Variants in PHLPP1 observed in about 807,000 individuals in gnomAD.
The protein encoded by PHLPP1 is PH domain leucine-rich repeat-containing protein phosphatase 1.
A neutral mutation model predicts 117.2 loss-of-function variants in PHLPP1; 42 were observed. That is an observed-to-expected ratio of 0.36 (90% CI 0.28 to 0.46). The LOEUF (loss-of-function observed/expected upper bound fraction) is 0.46, where lower values mean the gene tolerates loss of function less well. Among genes scored for constraint, PHLPP1 ranks in the 20% least tolerant of loss-of-function variants. The probability of loss-of-function intolerance (pLI) is 1.00; values close to 1 mark genes in which losing one functional copy is unlikely to be tolerated. For synonymous variants in PHLPP1, 1,042 were observed against 970.7 expected (o/e 1.07, Z -1.37); for missense variants, 2,084 against 2,241.9 (o/e 0.93, Z 1.42).
chr18:62,836,463 AT>A (rs1914902555), intron 2 of PHLPP1, among the ~76,000 whole-genome samples: 1 of 147,954 alleles, frequency 6.8e-6, no homozygotes, highest in Non-Finnish European at 1.5e-5. Context: ...AAATAAATAA[AT>A]AAATAAATAA....
intron 1 of PHLPP1, among the ~76,000 whole-genome samples, chr18:62,824,728 C>G (rs1914562273): frequency 6.6e-6 from 1 of 152,048 alleles, no homozygotes; most frequent in Non-Finnish European, 1.5e-5. Context: ...TAGAAAAATA[C>G]TTCACAAAAC....
rs1912202682 is a variant in PHLPP1 at position 62,760,906 on chromosome 18, CG to C, written c.1576+43650del. Among the ~76,000 whole-genome samples, 13 of 152,204 alleles carry C rather than the reference CG, an allele frequency of 8.5e-5. No homozygotes were observed. In the South Asian group the frequency reaches 2.7e-3, roughly 32 times the overall value. The stretch of plus-strand genomic sequence containing the variant: ...TTTGTTTTAGACAGGGCTGCCTAGG[CG>C]GGAGTGCAGTGGCACAGTCATGGCT... On this transcript the variant is annotated intron_variant, in intron 1 of 16. Coordinates refer to ENST00000262719, the MANE Select transcript of PHLPP1 (RefSeq NM_194449.4).
chr18:62,743,635 T>A (rs975232796), intron 1 of PHLPP1, among the ~76,000 whole-genome samples: 1 of 152,212 alleles, frequency 6.6e-6, no homozygotes, highest in Non-Finnish European at 1.5e-5. Flanking sequence ...TGATCAAATT[T>A]CCATTAATCT....
chr18:62,860,420 T>G lies in PHLPP1; in HGVS notation c.1900-15T>G. 1 of 1,611,842 alleles carries G rather than the reference T, an allele frequency of 6.2e-7. No homozygotes were observed. The highest frequency in any genetic ancestry group is 2.2e-5 in the East Asian group (1 of 44,856). On this transcript the variant is annotated splice_polypyrimidine_tract_variant and intron_variant, in intron 3 of 16. Transcript: ENST00000262719. ...TAAGTGGATGGTATTAAAATTAAGT[T>G]TTATCCCCCTTTAGGTTGCATCCCA...
chr18:62,888,713 G>T (rs544281310), intron 4 of PHLPP1, among the ~76,000 whole-genome samples: 135 of 152,174 alleles, frequency 8.9e-4, no homozygotes, highest in South Asian at 2.9e-3. Flanking sequence ...ATGAATGAAT[G>T]AATTAATAAA....
intron 1 of PHLPP1, among the ~76,000 whole-genome samples, chr18:62,821,277 A>G (rs1914446718): frequency 6.6e-6 from 1 of 152,328 alleles, no homozygotes; most frequent in South Asian, 2.1e-4. Context: ...AAAAGAAAAA[A>G]TATATGTTAG....
intron 1 of PHLPP1, among the ~76,000 whole-genome samples, chr18:62,790,544 G>A (rs1448150196): frequency 6.6e-6 from 1 of 152,122 alleles, no homozygotes; most frequent in Non-Finnish European, 1.5e-5. Flanking sequence ...ATAAAGCTCA[G>A]TAATCTAGAA....
chr18:62,731,320 C>T (rs186996827), intron 1 of PHLPP1: 2 of 152,240 alleles, frequency 1.3e-5, no homozygotes, highest in East Asian at 1.9e-4. Flanking sequence ...ATATATGCTG[C>T]CGAAGTGAGC....
At chr18:62,922,939 C>T (rs1202034964) in intron 10 of PHLPP1, among the ~76,000 whole-genome samples, 1 of 152,162 alleles carries the variant, frequency 6.6e-6, no homozygotes, top group Admixed American at 6.5e-5. Context: ...CTGTGCAGGT[C>T]ATTCTAAACC....
In PHLPP1 at chr18:62,916,747, C is replaced by CTT. The variant is rs10538704; in HGVS notation, c.2804+1762_2804+1763dup. Among the ~76,000 whole-genome samples, 447 of 71,070 alleles carry CTT rather than the reference C, an allele frequency of 6.3e-3. 18 individuals carry two copies. The highest frequency in any genetic ancestry group is 0.011 in the African/African-American group (187 of 16,786). The allele number at this position is 71,070 out of a possible 152,430, so 46.6% of individuals were successfully genotyped here. A position where few individuals can be genotyped will look rare whatever the true frequency, so the allele number is the denominator to read the frequency against. On this transcript the variant is annotated intron_variant, in intron 9 of 16. Coordinates refer to ENST00000262719, the MANE Select transcript of PHLPP1 (RefSeq NM_194449.4). ...TTCTTCTATTTTCTTTCCTTCTATTCTTTTTTTTTTTTTTTTTTTTTTTTG... is the reference window on the plus strand; with the variant it reads ...TTCTTCTATTTTCTTTCCTTCTATTCTTTTTTTTTTTTTTTTTTTTTTTTTTG...
intron 4 of PHLPP1, among the ~76,000 whole-genome samples, chr18:62,861,038 A>C (rs1450716349): frequency 6.6e-6 from 1 of 152,222 alleles, no homozygotes; most frequent in Non-Finnish European, 1.5e-5. Context: ...GTTTAAATCA[A>C]CTTACATCAT....
At chr18:62,873,028 C>G (rs1264463751) in intron 4 of PHLPP1, among the ~76,000 whole-genome samples, 6 of 150,006 alleles carry the variant, frequency 4.0e-5, no homozygotes, top group African/African-American at 1.5e-4. Flanking sequence ...GGTCAGAGCA[C>G]TCCTTTTTAC....
At chr18:62,829,808 A>C (rs183647202) in intron 1 of PHLPP1, among the ~76,000 whole-genome samples, 78 of 152,332 alleles carry the variant, frequency 5.1e-4, no homozygotes, top group Non-Finnish European at 3.1e-4. Flanking sequence ...GTGTTTTCCT[A>C]TGATTTTATG....
chr18:62,928,720 A>G (rs1287558170), intron 10 of PHLPP1, among the ~76,000 whole-genome samples: 3 of 152,232 alleles, frequency 2.0e-5, no homozygotes, highest in African/African-American at 2.4e-5. Context: ...TGATAGCAAC[A>G]TTATTCATAA....
chr18:62,748,784 ATC>A (rs1235874306), intron 1 of PHLPP1, among the ~76,000 whole-genome samples: 1 of 152,078 alleles, frequency 6.6e-6, no homozygotes, highest in Admixed American at 6.5e-5. Context: ...TAATCTGAGA[ATC>A]TATGGATTCA....
At chr18:62,954,635 C>T (rs369203317) in intron 12 of PHLPP1, among the ~76,000 whole-genome samples, 1 of 152,082 alleles carries the variant, frequency 6.6e-6, no homozygotes, top group African/African-American at 2.4e-5. Context: ...TTTCTGTGAA[C>T]GAACCTCCTT....
At chr18:62,872,427 T>C (rs1369298672) in intron 4 of PHLPP1, among the ~76,000 whole-genome samples, 1 of 152,100 alleles carries the variant, frequency 6.6e-6, no homozygotes, top group African/African-American at 2.4e-5. Context: ...ATGCAGTGGC[T>C]CAGGCTTATA....
At position 62,715,701 on chromosome 18, in the gene PHLPP1, G is replaced by A; in HGVS notation, c.18G>A (p.Ala6=). 1 of 1,292,312 alleles carries A rather than the reference G, an allele frequency of 7.7e-7. No homozygotes were observed. The allele number at this position is 1,292,312 out of a possible 1,614,324, so 80.1% of individuals were successfully genotyped here. A position where few individuals can be genotyped will look rare whatever the true frequency, so the allele number is the denominator to read the frequency against. The change falls in exon 1 of 17, where the codon GCG becomes GCA. Residue 6 remains alanine, a synonymous_variant. Transcript: ENST00000262719. MEPAA[A]ATVQRLPELG... is the part of the protein sequence containing the mutation. ...CCACTGCAATGGAGCCCGCCGCCGC[G>A]GCCACGGTACAGCGACTCCCCGAGC...
At chr18:62,741,148 T>C (rs543280391) in intron 1 of PHLPP1, among the ~76,000 whole-genome samples, 171 of 152,318 alleles carry the variant, frequency 1.1e-3, no homozygotes, top group African/African-American at 3.9e-3. Flanking sequence ...ACTCTTCATA[T>C]GATGAATTGC....
Sources: allele counts gnomAD v4.1 joint callset (sites outside exome capture counted in the v4.1 genomes callset), GRCh38; gene constraint gnomAD v4.1.1; transcripts MANE v1.5; gene names NCBI Gene and HGNC (gene_info 2026-07-23, HGNC 2026-07-21).